Variants in SRRM3 observed in about 807,000 individuals in gnomAD.
SRRM3 encodes the protein serine/arginine repetitive matrix 3.
In SRRM3, 27 loss-of-function variants were observed where a neutral mutation model predicts 66.2. The ratio of observed to expected loss-of-function variants is 0.41; its 90% confidence interval spans 0.30 to 0.56. The LOEUF is 0.56. Among genes scored for constraint, SRRM3 ranks in the 20% least tolerant of loss-of-function variants. The probability of loss-of-function intolerance (pLI) is 0.32; values close to 1 mark genes in which losing one functional copy is unlikely to be tolerated. For missense variants in SRRM3, 918 were observed against 991.9 expected (o/e 0.93, Z 1.00); for synonymous variants, 391 against 414.9 (o/e 0.94, Z 0.70).
chr7:76,286,196 T>G lies in SRRM3; in HGVS notation c.*353T>G. 2.9e-6 allele frequency: 1 copy of G among 348,738 alleles called. No homozygotes were observed. The allele number at this position is 348,738 out of a possible 1,614,324, so 21.6% of individuals were successfully genotyped here. ...CGGTGGATGGTACCAGAGTCCATGA[T>G]CTGCTCTGTCACTTCACCTTAGCTC... On this transcript the variant is annotated 3_prime_UTR_variant, in exon 15 of 15. Transcript: ENST00000611745.
At chr7:76,206,025 TGAGA>T (rs1413824295) in intron 1 of SRRM3, among the ~76,000 whole-genome samples, 1 of 152,154 alleles carries the variant, frequency 6.6e-6, no homozygotes, top group Non-Finnish European at 1.5e-5. Context: ...TAAATTTTTT[TGAGA>T]GAGGGGCTCA....
chr7:76,272,110 C>A (rs1563638083), intron 11 of SRRM3, among the ~76,000 whole-genome samples: 1 of 152,206 alleles, frequency 6.6e-6, no homozygotes, highest in African/African-American at 2.4e-5. Context: ...GGTGCCTTCA[C>A]TGGCCTCCCT....
chr7:76,271,368 T>A (rs915422356), intron 11 of SRRM3, among the ~76,000 whole-genome samples: 2 of 152,112 alleles, frequency 1.3e-5, no homozygotes, highest in East Asian at 3.9e-4. Context: ...TCTCATCTAC[T>A]GAGGGAGATG....
chr7:76,279,521 T>G (rs1179933040), intron 11 of SRRM3, among the ~76,000 whole-genome samples: 4 of 136,582 alleles, frequency 2.9e-5, no homozygotes, highest in African/African-American at 5.5e-5. Flanking sequence ...TGCTACTAGA[T>G]GGAGGGCCAA....
chr7:76,282,142 C>G (rs1802534377), intron 12 of SRRM3, among the ~76,000 whole-genome samples: 1 of 150,330 alleles, frequency 6.7e-6, no homozygotes, highest in Non-Finnish European at 1.5e-5. Flanking sequence ...CTCCCTCCCT[C>G]GACGACCCCA....
chr7:76,282,622 T>A, intron 12 of SRRM3, 26 bp from the exon 13 acceptor site: 2 of 912,350 alleles, frequency 2.2e-6, no homozygotes, highest in East Asian at 1.0e-4. Flanking sequence ...CGCTGAGCCC[T>A]ATCCCGCGCC....
chr7:76,247,451 C>T (rs1254999012), intron 2 of SRRM3, among the ~76,000 whole-genome samples: 1 of 152,158 alleles, frequency 6.6e-6, no homozygotes, highest in East Asian at 1.9e-4. Flanking sequence ...GCCAGGAAGG[C>T]AGAAAAGGCT....
In SRRM3 at chr7:76,281,808, C is replaced by T. The variant is rs1802519255; in HGVS notation, c.1370+6C>T. On this transcript the variant is annotated splice_donor_region_variant and intron_variant, in intron 12 of 14. Coordinates refer to ENST00000611745, the MANE Select transcript of SRRM3 (RefSeq NM_001110199.3). ...CACGGCGGACACGGGAAACGGTGAG[C>T]GTGCTGGACCCGGAGCTGGACTCCC... 4 of 1,361,128 alleles carry T rather than the reference C, an allele frequency of 2.9e-6. No individual in the cohort carries two copies. Among genetic ancestry groups the T allele is most frequent in the African/African-American group, 3.1e-5 (2 of 64,918 alleles). The allele number at this position is 1,361,128 out of a possible 1,614,324, so 84.3% of individuals were successfully genotyped here.
intron 11 of SRRM3, among the ~76,000 whole-genome samples, chr7:76,275,986 G>C (rs1802339220): frequency 6.6e-6 from 1 of 152,000 alleles, no homozygotes; most frequent in East Asian, 1.9e-4. Context: ...AGGCTGAGGT[G>C]GGGGGATCAC....
chr7:76,274,089 G>A (rs372103118), intron 11 of SRRM3, among the ~76,000 whole-genome samples: 1 of 152,348 alleles, frequency 6.6e-6, no homozygotes, highest in African/African-American at 2.4e-5. Flanking sequence ...GCCAGCCCCC[G>A]GGACTTCGGT....
In SRRM3 at chr7:76,245,436, A is replaced by T. The variant is rs549291662; in HGVS notation, c.234-2752A>T. ...ACTTCGCTGGGTCCAAAAATTTTTT[A>T]AAATAATTTTTTAAAAATTTAATAT... is the stretch of plus-strand genomic sequence containing the variant. On this transcript the variant is annotated intron_variant, in intron 2 of 14. Coordinates refer to ENST00000611745, the MANE Select transcript of SRRM3 (RefSeq NM_001110199.3). Among the ~76,000 whole-genome samples, 47 of 152,270 alleles carry T rather than the reference A, an allele frequency of 3.1e-4. 1 individual carries two copies. Among genetic ancestry groups the T allele is most frequent in the South Asian group, 1.0e-3 (5 of 4,818 alleles).
At chr7:76,281,825 T>C in intron 12 of SRRM3, 23 bp downstream of exon 12, 1 of 1,329,254 alleles carries the variant, frequency 7.5e-7, no homozygotes. Flanking sequence ...GACCCGGAGC[T>C]GGACTCCCGC....
rs534010474 is a variant in SRRM3, at chr7:76,257,856, T to G, written c.336-2050T>G. On this transcript the variant is annotated intron_variant, in intron 3 of 14. Coordinates refer to ENST00000611745, the MANE Select transcript of SRRM3 (RefSeq NM_001110199.3). ...TCCCAACAGCCCTGGAATGGAGTTA[T>G]CACTCTCACCTTCGAGAAGAGGCTC... Among the ~76,000 whole-genome samples the G allele has an allele frequency of 7.3e-4, 111 of 152,290 alleles. 1 individual carries two copies. Among genetic ancestry groups the G allele is most frequent in the African/African-American group, 2.6e-3 (107 of 41,558 alleles).
At chr7:76,206,161 C>T (rs1432279209) in intron 1 of SRRM3, among the ~76,000 whole-genome samples, 2 of 152,178 alleles carry the variant, frequency 1.3e-5, no homozygotes, top group African/African-American at 4.8e-5. Context: ...GCATGTACCA[C>T]CACACCAAGC....
In SRRM3 at chr7:76,267,454, G is replaced by A. The variant is rs1802098157; in HGVS notation, c.1008+19G>A. 2 of 1,333,256 alleles carry A rather than the reference G, an allele frequency of 1.5e-6. No homozygotes were observed. The highest frequency in any genetic ancestry group is 1.9e-6 in the Non-Finnish European group (2 of 1,046,630). 82.6% of individuals were successfully genotyped at this position (1,333,256 alleles called of 1,614,324 possible). ...GCCCGATGTACGTACGCTTCGCTTT[G>A]CGGAGGGTTCCCGCGCCGCGGGCTG... On this transcript the variant is annotated intron_variant, in intron 11 of 14. Transcript: ENST00000611745.
rs1221663920 is a variant in SRRM3, at chr7:76,285,154, CTGGGGT to C, written c.1734-459_1734-454del. 6.8e-5 allele frequency: 11 copies of C among 161,846 alleles called. No homozygotes were observed. Among genetic ancestry groups the C allele is most frequent in the Admixed American group, 3.1e-4 (5 of 15,946 alleles). 10.0% of individuals were successfully genotyped at this position (161,846 alleles called of 1,614,324 possible). ...TCTCCACTCACTGCAGCCTCCGCCT[CTGGGGT>C]TCAAGCGATCCTCCCACCTCAGCCT... On this transcript the variant is annotated intron_variant, in intron 14 of 14. Transcript: ENST00000611745. This position sits in a 1 kb window ranked among gnomAD's most constrained non-coding sequence, Gnocchi z 4.1.
chr7:76,235,797 G>GGAGTTT (rs1365263625), intron 2 of SRRM3, among the ~76,000 whole-genome samples: 5 of 151,606 alleles, frequency 3.3e-5, no homozygotes, highest in Non-Finnish European at 7.4e-5. Context: ...CCTGAGGTCA[G>GGAGTTT]GAGTTTGAGA....
Position 76,285,921 on chromosome 7 carries a change from G to A in SRRM3, c.*78G>A, listed in dbSNP as rs1475662109. 16 of 1,413,952 alleles carry A rather than the reference G, an allele frequency of 1.1e-5. No individual in the cohort carries two copies. Among genetic ancestry groups the A allele is most frequent in the African/African-American group, 1.4e-5 (1 of 69,500 alleles). The allele number at this position is 1,413,952 out of a possible 1,614,324, so 87.6% of individuals were successfully genotyped here. On this transcript the variant is annotated 3_prime_UTR_variant, in exon 15 of 15. Transcript: ENST00000611745. The surrounding 1 kb of genome is among the most constrained non-coding windows in gnomAD (Gnocchi z 4.1). Reference sequence around the variant, plus strand: ...GGGCCCCAGGACCCCAGTGGGGAGGGGGCTATATCTCCTTGCCCCCAAGGC... The same window carrying A: ...GGGCCCCAGGACCCCAGTGGGGAGGAGGCTATATCTCCTTGCCCCCAAGGC...
chr7:76,269,544 A>G (rs2117083763), intron 11 of SRRM3: 1 of 152,172 alleles, frequency 6.6e-6, no homozygotes, highest in Admixed American at 6.5e-5. Context: ...CTTTAAAAAA[A>G]AAAAGAAAAG....
Sources: allele counts gnomAD v4.1 joint callset (sites outside exome capture counted in the v4.1 genomes callset), GRCh38; gene constraint gnomAD v4.1.1; non-coding constraint Gnocchi (gnomAD v3.1); transcripts MANE v1.5; gene names NCBI Gene and HGNC (gene_info 2026-07-23, HGNC 2026-07-21).